Variants in ZNF652 observed in about 807,000 individuals in gnomAD.
The protein encoded by ZNF652 is zinc finger protein 652.
Under a neutral mutation model 45.2 loss-of-function variants are expected in ZNF652, and 16 were observed. That is an observed-to-expected ratio of 0.35 (90% confidence interval 0.24 to 0.54). The LOEUF is 0.54. Among genes scored for constraint, ZNF652 ranks in the 20% least tolerant of loss-of-function variants. The probability of loss-of-function intolerance (pLI) is 0.91; values close to 1 mark genes in which losing one functional copy is unlikely to be tolerated. For missense variants in ZNF652, 614 were observed against 765.6 expected (o/e 0.80, Z 2.34); for synonymous variants, 250 against 260.6 (o/e 0.96, Z 0.39).
At position 49,311,419 on chromosome 17, in the gene ZNF652, C is replaced by A; in HGVS notation, c.1202G>T (p.Arg401Leu). Residue 401 changes from arginine to leucine, a missense_variant, in exon 5 of 6, where the codon CGC becomes CTC. Arg to Leu is a moderately radical substitution (Grantham distance 102). Transcript: ENST00000430262. ...DERFQYKYQLRSHMSIHIGHK... is the reference protein window; with the variant it reads ...DERFQYKYQLLSHMSIHIGHK... ...CCCAATATGAATGCTCATGTGGGAG[C>A]GTAGCTGGTACTTGTACTGAAACCT... 1 of 1,614,102 alleles carries A rather than the reference C, an allele frequency of 6.2e-7. No individual in the cohort carries two copies. The highest frequency in any genetic ancestry group is 8.5e-7 in the Non-Finnish European group (1 of 1,180,008).
At chr17:49,306,076 A>G (rs989183040) in intron 5 of ZNF652, among the ~76,000 whole-genome samples, 3 of 152,224 alleles carry the variant, frequency 2.0e-5, no homozygotes, top group Admixed American at 1.3e-4. Context: ...ATATCAAGAA[A>G]ACAGAGGTCT....
At chr17:49,305,744 CTGTGCCTGGT>C (rs1458281566) in intron 5 of ZNF652, among the ~76,000 whole-genome samples, 1 of 152,192 alleles carries the variant, frequency 6.6e-6, no homozygotes, top group African/African-American at 2.4e-5. Context: ...GCACATAGCA[CTGTGCCTGGT>C]ATAAGAAGAA....
intron 1 of ZNF652, among the ~76,000 whole-genome samples, chr17:49,346,845 T>C (rs2070210166): frequency 6.6e-6 from 1 of 152,236 alleles, no homozygotes. Context: ...CATTCCAGCT[T>C]GTGCCTATCT....
At position 49,293,597 on chromosome 17, in the gene ZNF652, G is replaced by A. The variant is rs1201993392; in HGVS notation, c.*4816C>T. ...ACAGATGACAAAAGCAGGTTAGCTA[G>A]GGTGTTGTTATTGCATAATAATGCC... is the stretch of plus-strand genomic sequence containing the variant. On this transcript the variant is annotated 3_prime_UTR_variant, in exon 6 of 6. Coordinates refer to ENST00000430262, the MANE Select transcript of ZNF652 (RefSeq NM_001145365.3). 6.9e-6 allele frequency among the ~76,000 whole-genome samples: 1 copy of A among 144,068 alleles called. No homozygotes were observed. The highest frequency in any genetic ancestry group is 1.5e-5 in the Non-Finnish European group (1 of 66,564). 94.5% of individuals were successfully genotyped at this position (144,068 alleles called of 152,430 possible).
chr17:49,304,889 TATATATACACACACACATAC>T (rs1310443060), intron 5 of ZNF652, among the ~76,000 whole-genome samples: 41 of 151,276 alleles, frequency 2.7e-4, no homozygotes, highest in Admixed American at 7.9e-4. Context: ...TATATATATA[TATATATACACACACACATAC>T]ATATATACAC....
At chr17:49,347,567 A>G (rs2070217708) in intron 1 of ZNF652, among the ~76,000 whole-genome samples, 1 of 151,960 alleles carries the variant, frequency 6.6e-6, no homozygotes, top group Non-Finnish European at 1.5e-5. Context: ...TCTGTCTTTA[A>G]ATATATATAA....
intron 1 of ZNF652, among the ~76,000 whole-genome samples, chr17:49,361,590 C>T (rs866305472): frequency 2.0e-5 from 3 of 152,312 alleles, no homozygotes; most frequent in Non-Finnish European, 2.9e-5. Context: ...CCCGCTAACC[C>T]GTGCCGCCCC....
At chr17:49,349,178 C>T (rs1456371520) in intron 1 of ZNF652, among the ~76,000 whole-genome samples, 1 of 152,052 alleles carries the variant, frequency 6.6e-6, no homozygotes, top group African/African-American at 2.4e-5. Context: ...GCCTGTAATC[C>T]CAGTACTTTG....
chr17:49,339,868 G>A (rs1052444956), intron 1 of ZNF652, among the ~76,000 whole-genome samples: 1 of 152,188 alleles, frequency 6.6e-6, no homozygotes, highest in Non-Finnish European at 1.5e-5. Context: ...CGAGTATCTG[G>A]GACAACAGGC....
rs1319121182 is a variant in ZNF652 at position 49,323,626 on chromosome 17, A to T, written c.-258-5643T>A. On this transcript the variant is annotated intron_variant, in intron 1 of 5. Coordinates refer to ENST00000430262, the MANE Select transcript of ZNF652 (RefSeq NM_001145365.3). The stretch of plus-strand genomic sequence containing the variant: ...TAGTACAAAATCAATTTCTTAAATA[A>T]TAAGACTAGGAGGTAAAAATTACTC... Among the ~76,000 whole-genome samples the T allele has an allele frequency of 4.6e-5, 7 of 152,210 alleles. No individual in the cohort carries two copies. In the South Asian group the frequency reaches 1.4e-3, roughly 32 times the overall value.
chr17:49,350,154 T>G (rs1275405184), intron 1 of ZNF652, among the ~76,000 whole-genome samples: 1 of 152,162 alleles, frequency 6.6e-6, no homozygotes, highest in African/African-American at 2.4e-5. Context: ...GGTTATGACT[T>G]TAACAAAAGA....
chr17:49,336,185 C>T (rs2070078449), intron 1 of ZNF652, among the ~76,000 whole-genome samples: 1 of 152,036 alleles, frequency 6.6e-6, no homozygotes. Context: ...CCACCATGCC[C>T]AGTTAATTTT....
intron 1 of ZNF652, among the ~76,000 whole-genome samples, chr17:49,335,065 T>C (rs2070066141): frequency 6.6e-6 from 1 of 152,162 alleles, no homozygotes; most frequent in Non-Finnish European, 1.5e-5. Flanking sequence ...CACAATCTTG[T>C]GAATATACCA....
At chr17:49,335,521 T>C (rs978969438) in intron 1 of ZNF652, among the ~76,000 whole-genome samples, 8 of 152,124 alleles carry the variant, frequency 5.3e-5, no homozygotes, top group Non-Finnish European at 1.2e-4. Flanking sequence ...TTAAGGGTTA[T>C]CACACACCCC....
intron 2 of ZNF652, among the ~76,000 whole-genome samples, chr17:49,313,352 T>C (rs921421951): frequency 1.3e-5 from 2 of 151,866 alleles, no homozygotes; most frequent in Admixed American, 1.3e-4. Flanking sequence ...AGAGACAGGG[T>C]TTCACCGTGT....
intron 1 of ZNF652, among the ~76,000 whole-genome samples, chr17:49,334,458 T>C (rs904844904): frequency 5.3e-5 from 8 of 152,018 alleles, no homozygotes; most frequent in Non-Finnish European, 1.2e-4. Context: ...CACTCCAGTC[T>C]GGGCAACAGA....
chr17:49,315,064 G>A (rs1373826839), intron 2 of ZNF652, among the ~76,000 whole-genome samples: 1 of 133,970 alleles, frequency 7.5e-6, no homozygotes, highest in South Asian at 2.4e-4. Context: ...TTTTTGAGAC[G>A]GAGCTTCACT....
At chr17:49,336,670 A>G (rs2070085594) in intron 1 of ZNF652, among the ~76,000 whole-genome samples, 1 of 147,738 alleles carries the variant, frequency 6.8e-6, no homozygotes, top group Non-Finnish European at 1.5e-5. Flanking sequence ...TCTGTCACCC[A>G]GGCTGGAGTA....
intron 5 of ZNF652, among the ~76,000 whole-genome samples, chr17:49,307,444 A>AG: frequency 6.9e-6 from 1 of 143,938 alleles, no homozygotes. Context: ...AGAAAAAAAA[A>AG]AAAAAAAAAA....
Sources: allele counts gnomAD v4.1 joint callset (sites outside exome capture counted in the v4.1 genomes callset), GRCh38; gene constraint gnomAD v4.1.1; transcripts MANE v1.5; gene names NCBI Gene and HGNC (gene_info 2026-07-23, HGNC 2026-07-21).